The following CSMD1 variants were observed in gnomAD, a reference collection of about 807,000 sequenced individuals.
The protein encoded by CSMD1 is CUB and sushi domain-containing protein 1.
Under a neutral mutation model 417.5 loss-of-function variants are expected in CSMD1, and 213 were observed. That is an observed-to-expected ratio of 0.51 (90% confidence interval 0.46 to 0.57). The LOEUF is 0.57. CSMD1 is among the 20% of genes least tolerant of loss of function. The probability of loss-of-function intolerance (pLI) is 0.00; values close to 1 mark genes in which losing one functional copy is unlikely to be tolerated. For synonymous variants in CSMD1, 2,862 were observed against 1,736.8 expected, an observed-to-expected ratio of 1.65 and a Z score of -16.11; for missense variants, 6,923 against 4,529.7, an observed-to-expected ratio of 1.53 and a Z score of -15.17.
At chr8:4,294,871 C>T (rs1005255621) in intron 3 of CSMD1, among the ~76,000 whole-genome samples, 13 of 151,670 alleles carry the variant, frequency 8.6e-5, no homozygotes, top group Non-Finnish European at 1.3e-4. Flanking sequence ...TTTGTCTTTG[C>T]CCTTTTAGTA....
chr8:4,979,126 C>T (rs1810730119), intron 1 of CSMD1, among the ~76,000 whole-genome samples: 1 of 152,174 alleles, frequency 6.6e-6, no homozygotes, highest in Non-Finnish European at 1.5e-5. Context: ...CCTGACTCTA[C>T]TGAGTCTCTA....
intron 26 of CSMD1, among the ~76,000 whole-genome samples, chr8:3,243,552 G>A (rs1799683441): frequency 6.6e-6 from 1 of 151,900 alleles, no homozygotes; most frequent in Admixed American, 6.6e-5. Context: ...GCCAGGAGAA[G>A]GAATTGCACA....
intron 1 of CSMD1, among the ~76,000 whole-genome samples, chr8:4,638,317 A>G (rs1006150277): frequency 1.3e-5 from 2 of 152,316 alleles, no homozygotes; most frequent in Admixed American, 6.5e-5. Flanking sequence ...AATATGTGGT[A>G]ATAAGAATAG....
intron 1 of CSMD1, among the ~76,000 whole-genome samples, chr8:4,816,752 A>C (rs1799229647): frequency 6.6e-6 from 1 of 152,116 alleles, no homozygotes; most frequent in Non-Finnish European, 1.5e-5. Context: ...CTGTTGCAGG[A>C]CTCATCTAGG....
At chr8:4,563,139 T>C (rs1013885593) in intron 2 of CSMD1, among the ~76,000 whole-genome samples, 4 of 152,158 alleles carry the variant, frequency 2.6e-5, no homozygotes, top group African/African-American at 7.2e-5. Flanking sequence ...CAGTGACTCA[T>C]GCCTGTAATC....
chr8:3,947,849 A>T (rs904227250), intron 5 of CSMD1, among the ~76,000 whole-genome samples: 1 of 152,222 alleles, frequency 6.6e-6, no homozygotes, highest in Non-Finnish European at 1.5e-5. Context: ...CAGGGCTAAC[A>T]AAACCTCCAC....
Position 4,116,583 on chromosome 8 carries a change from C to T in CSMD1, c.416-84484G>A, listed in dbSNP as rs1184825820. On this transcript the variant is annotated intron_variant, in intron 3 of 69. Transcript: ENST00000635120. ...AACCCTAACGTAAGCTGTACACATCCGACAGTGATGTATGAGTGCAGGTGC... is the reference window on the plus strand; with the variant it reads ...AACCCTAACGTAAGCTGTACACATCTGACAGTGATGTATGAGTGCAGGTGC... Among the ~76,000 whole-genome samples the T allele has an allele frequency of 3.1e-5, 2 of 65,070 alleles. 1 individual carries two copies. Among genetic ancestry groups the T allele is most frequent in the Non-Finnish European group, 6.0e-5 (2 of 33,516 alleles). The allele number at this position is 65,070 out of a possible 152,430, so 42.7% of individuals were successfully genotyped here.
chr8:4,525,166 G>A (rs1796450944), intron 2 of CSMD1, among the ~76,000 whole-genome samples: 1 of 152,084 alleles, frequency 6.6e-6, no homozygotes, highest in Admixed American at 6.6e-5. Context: ...AGTTGACCAG[G>A]CTCCCACCTT....
chr8:4,219,597 T>G (rs1253509564), intron 3 of CSMD1, among the ~76,000 whole-genome samples: 2 of 152,198 alleles, frequency 1.3e-5, no homozygotes, highest in African/African-American at 2.4e-5. Flanking sequence ...TTTCTACGGT[T>G]GGCTCCAACC....
intron 3 of CSMD1, among the ~76,000 whole-genome samples, chr8:4,035,609 T>G (rs950870300): frequency 6.6e-6 from 1 of 152,190 alleles, no homozygotes; most frequent in African/African-American, 2.4e-5. Context: ...GAATACAGTT[T>G]AAAAAGTAAG....
intron 2 of CSMD1, among the ~76,000 whole-genome samples, chr8:4,625,451 T>C (rs1369817855): frequency 6.6e-6 from 1 of 152,024 alleles, no homozygotes; most frequent in East Asian, 1.9e-4. Context: ...TGAGTCTACA[T>C]TTATGAGCAC....
chr8:4,216,203 G>T (rs78606911), intron 3 of CSMD1, among the ~76,000 whole-genome samples: 1 of 152,040 alleles, frequency 6.6e-6, no homozygotes, highest in Non-Finnish European at 1.5e-5. Context: ...CATTGCGATG[G>T]CCTTCTTCCT....
chr8:3,885,837 C>A (rs962479607), intron 5 of CSMD1, among the ~76,000 whole-genome samples: 2 of 152,094 alleles, frequency 1.3e-5, no homozygotes, highest in African/African-American at 4.8e-5. Flanking sequence ...TCTGACCTGG[C>A]AAACGTCTCT....
intron 2 of CSMD1, among the ~76,000 whole-genome samples, chr8:4,537,718 C>T (rs1797170453): frequency 6.6e-6 from 1 of 152,142 alleles, no homozygotes; most frequent in Non-Finnish European, 1.5e-5. Flanking sequence ...CATGGCTTCC[C>T]CCAGCGAAGC....
chr8:3,599,553 G>A (rs1447330505), intron 8 of CSMD1, among the ~76,000 whole-genome samples: 4 of 152,178 alleles, frequency 2.6e-5, no homozygotes, highest in African/African-American at 4.8e-5. Context: ...CCCCCACACA[G>A]CATTGCTAAC....
intron 25 of CSMD1, 118 bp from the exon 26 acceptor site, chr8:3,284,464 G>C (rs754099443): frequency 1.4e-6 from 1 of 700,282 alleles, no homozygotes; most frequent in Non-Finnish European, 2.5e-6. Context: ...ATGTGCCTCG[G>C]TACTTACTGT....
chr8:4,045,551 G>C (rs1036855802), intron 3 of CSMD1, among the ~76,000 whole-genome samples: 4 of 152,168 alleles, frequency 2.6e-5, no homozygotes, highest in African/African-American at 4.8e-5. Flanking sequence ...TGCTGTTACA[G>C]CTCAGAAAGA....
rs559368612 is a variant in CSMD1, at chr8:4,276,858, T to A, written c.415+143095A>T. ...TACAATAAATGTTCAATTTCCTTAA[T>A]CAGAAAATAAGTTAAAAACATTTAA... On this transcript the variant is annotated intron_variant, in intron 3 of 69. Coordinates refer to ENST00000635120, the MANE Select transcript of CSMD1 (RefSeq NM_033225.6). 2.0e-5 allele frequency among the ~76,000 whole-genome samples: 3 copies of A among 152,280 alleles called. 1 individual carries two copies. The East Asian group carries it at 5.8e-4, about 29-fold the overall frequency.
chr8:4,970,752 T>C (rs1810188832), intron 1 of CSMD1, among the ~76,000 whole-genome samples: 1 of 152,120 alleles, frequency 6.6e-6, no homozygotes, highest in South Asian at 2.1e-4. Flanking sequence ...GTGGTTCTTT[T>C]TTTGACAAAA....
Sources: gnomAD v4.1 joint callset for allele counts (sites outside exome capture counted in the v4.1 genomes callset) on GRCh38, gnomAD v4.1.1 for gene constraint, MANE v1.5 for transcripts, NCBI Gene and HGNC (gene_info 2026-07-23, HGNC 2026-07-21) for gene names.